Variants in ACBD6 observed in about 807,000 individuals in gnomAD.
The protein encoded by ACBD6 is acyl-CoA binding domain containing 6, also known as acyl-CoA-binding domain-containing protein 6.
A neutral mutation model predicts 37.2 loss-of-function variants in ACBD6; 28 were observed. The observed-to-expected ratio is 0.75, with a 90% confidence interval of 0.56 to 1.03. ACBD6 has a LOEUF of 1.03. ACBD6 is among the 50% of genes least tolerant of loss of function. The pLI is 0.00. For synonymous variants in ACBD6, 113 were observed against 126.8 expected (o/e 0.89, Z 0.73); for missense variants, 340 against 337.4 (o/e 1.01, Z -0.06).
chr1:180,372,427 T>C (rs1213287184), intron 6 of ACBD6, among the ~76,000 whole-genome samples: 1 of 152,182 alleles, frequency 6.6e-6, no homozygotes, highest in African/African-American at 2.4e-5. Flanking sequence ...ATACCATTGT[T>C]ACACCTAAAA....
In ACBD6 at chr1:180,430,152, T is replaced by C. The variant is rs749945285; in HGVS notation, c.467+28A>G. ...GCACACACACAGGCATATATATTTC[T>C]ATTATCAAAGATCAGAAGAGAAATT... On this transcript the variant is annotated intron_variant, in intron 4 of 7. Transcript: ENST00000367595. 5.1e-6 allele frequency: 8 copies of C among 1,576,170 alleles called. No homozygotes were observed. In the South Asian group the frequency reaches 5.5e-5, roughly 11 times the overall value.
chr1:180,433,900 G>C (rs933531837), intron 3 of ACBD6, among the ~76,000 whole-genome samples: 1 of 152,176 alleles, frequency 6.6e-6, no homozygotes, highest in South Asian at 2.1e-4. Context: ...AAACCCAAGA[G>C]GAATGGGTGC....
intron 5 of ACBD6, among the ~76,000 whole-genome samples, chr1:180,411,921 C>T (rs58145394): frequency 0.089 from 13,533 of 152,082 alleles, 799 homozygotes; most frequent in African/African-American, 0.15. Context: ...CTGCCCACCT[C>T]GGCCTCCCAA....
At chr1:180,405,180 AC>A (rs1476618114) in intron 5 of ACBD6, among the ~76,000 whole-genome samples, 2 of 152,080 alleles carry the variant, frequency 1.3e-5, no homozygotes, top group Non-Finnish European at 2.9e-5. Flanking sequence ...CAGTATACCG[AC>A]CCTGCCTCTT....
chr1:180,346,284 C>G (rs910801823), intron 6 of ACBD6, among the ~76,000 whole-genome samples: 7 of 152,086 alleles, frequency 4.6e-5, no homozygotes, highest in Admixed American at 2.6e-4. Flanking sequence ...TTTGATGTAG[C>G]TACTCAAAAG....
intron 6 of ACBD6, among the ~76,000 whole-genome samples, chr1:180,365,895 T>A (rs930459986): frequency 6.6e-6 from 1 of 152,164 alleles, no homozygotes; most frequent in African/African-American, 2.4e-5. Context: ...CATTAATCAC[T>A]CTGAGTATAT....
At chr1:180,434,399 T>C (rs1490828627) in intron 3 of ACBD6, among the ~76,000 whole-genome samples, 1 of 152,228 alleles carries the variant, frequency 6.6e-6, no homozygotes, top group Non-Finnish European at 1.5e-5. Context: ...TTTTACATTA[T>C]GTAAAGAATC....
chr1:180,315,897 G>A (rs1650781359), intron 6 of ACBD6, among the ~76,000 whole-genome samples: 1 of 152,060 alleles, frequency 6.6e-6, no homozygotes, highest in South Asian at 2.1e-4. Flanking sequence ...TCAGGGTAGG[G>A]TACACTTGGC....
intron 3 of ACBD6, among the ~76,000 whole-genome samples, chr1:180,475,550 C>T (rs1239764609): frequency 3.3e-5 from 5 of 152,064 alleles, no homozygotes; most frequent in African/African-American, 1.2e-4. Flanking sequence ...CCACACTCAG[C>T]TAATTTTTTA....
rs142876083 is a variant in ACBD6 at position 180,488,561 on chromosome 1, T to C, written c.384+3708A>G. 1.2e-3 allele frequency among the ~76,000 whole-genome samples: 185 copies of C among 151,940 alleles called. No individual in the cohort carries two copies. In the Middle Eastern group the frequency reaches 0.017, roughly 14 times the overall value. On this transcript the variant is annotated intron_variant, in intron 3 of 7. Transcript: ENST00000367595. ...CATATAAATATAGGTCTAAATCCAG[T>C]GCCATCTTTTGTTAGTTGGCTTTTT...
chr1:180,349,230 T>C (rs1652306734), intron 6 of ACBD6, among the ~76,000 whole-genome samples: 1 of 150,948 alleles, frequency 6.6e-6, no homozygotes, highest in South Asian at 2.1e-4. Context: ...TCCATTTTTT[T>C]AGTATAATAA....
intron 3 of ACBD6, among the ~76,000 whole-genome samples, chr1:180,481,177 C>A (rs1284246878): frequency 2.6e-5 from 4 of 152,086 alleles, no homozygotes; most frequent in African/African-American, 4.8e-5. Context: ...GTGATTCTCT[C>A]TATATAAATC....
intron 7 of ACBD6, among the ~76,000 whole-genome samples, chr1:180,291,987 C>G (rs1649725678): frequency 6.6e-6 from 1 of 152,170 alleles, no homozygotes; most frequent in Admixed American, 6.5e-5. Context: ...ATCAGCTGAC[C>G]ATTTGTGATT....
At chr1:180,364,876 G>C (rs907459108) in intron 6 of ACBD6, among the ~76,000 whole-genome samples, 2 of 151,908 alleles carry the variant, frequency 1.3e-5, no homozygotes, top group African/African-American at 4.8e-5. Flanking sequence ...TGGGACTATA[G>C]GCGTGTGCCA....
rs553135260 is a variant in ACBD6 at position 180,450,376 on chromosome 1, G to C, written c.385-20114C>G. 6.6e-5 allele frequency among the ~76,000 whole-genome samples: 10 copies of C among 152,318 alleles called. 1 individual carries two copies. In the South Asian group the frequency reaches 2.1e-3, roughly 32 times the overall value. On this transcript the variant is annotated intron_variant, in intron 3 of 7. Transcript: ENST00000367595. ...ACAAGAATGACTGGGAAGGTAGTGG[G>C]ACTTGATGGTGAAGAAGATGAAGAA...
chr1:180,498,636 C>T (rs1352903913), intron 1 of ACBD6, among the ~76,000 whole-genome samples: 1 of 152,062 alleles, frequency 6.6e-6, no homozygotes, highest in Non-Finnish European at 1.5e-5. Context: ...GGTGGATCAC[C>T]TGAGATCAGG....
intron 5 of ACBD6, among the ~76,000 whole-genome samples, chr1:180,401,682 G>A (rs1647371294): frequency 6.6e-6 from 1 of 151,744 alleles, no homozygotes; most frequent in African/African-American, 2.4e-5. Flanking sequence ...AGCTACTTGG[G>A]AGGGTGAAGG....
chr1:180,475,843 T>C (rs750135808), intron 3 of ACBD6, among the ~76,000 whole-genome samples: 6 of 152,204 alleles, frequency 3.9e-5, no homozygotes, highest in Non-Finnish European at 7.3e-5. Flanking sequence ...AATGACCTAG[T>C]GTTTACCATA....
intron 6 of ACBD6, among the ~76,000 whole-genome samples, chr1:180,347,286 C>T (rs1337802743): frequency 1.3e-5 from 2 of 150,502 alleles, no homozygotes; most frequent in Admixed American, 6.6e-5. Context: ...TGCTTCTATA[C>T]GGCTACACAT....
Sources: gnomAD v4.1 joint callset for allele counts (sites outside exome capture counted in the v4.1 genomes callset) on GRCh38, gnomAD v4.1.1 for gene constraint, MANE v1.5 for transcripts, NCBI Gene and HGNC (gene_info 2026-07-23, HGNC 2026-07-21) for gene names.